SYNRG: variants seen among roughly 807,000 people sequenced by gnomAD.
SYNRG encodes the protein synergin gamma, also known as AP1 gamma subunit binding protein 1.
In SYNRG, 37 loss-of-function variants were observed where a neutral mutation model predicts 130.9. The ratio of observed to expected loss-of-function variants is 0.28; its 90% CI spans 0.22 to 0.37. The LOEUF is 0.37. Among genes scored for constraint, SYNRG ranks in the 10% least tolerant of loss-of-function variants. The probability of loss-of-function intolerance (pLI) is 1.00; values close to 1 mark genes in which losing one functional copy is unlikely to be tolerated. For synonymous variants in SYNRG, 539 were observed against 568.1 expected (o/e 0.95, Z 0.73); for missense variants, 1,338 against 1,588.9 (o/e 0.84, Z 2.68).
In SYNRG at chr17:37,542,319, C is replaced by T. The variant is rs144423881; in HGVS notation, c.2855G>A (p.Ser952Asn). The change falls in exon 15 of 22, where the codon AGT becomes AAT. Residue 952 changes from serine to asparagine, a missense_variant. By Grantham distance (46) the Ser-to-Asn change is conservative. This residue lies in a region of SYNRG where 1,146 missense variants were observed against 1,342.3 expected (regional missense o/e 0.85). Transcript: ENST00000612223. ...TSLSKVTTFV[S>N]EDALPETTFP... ...GGTGGTCTCTGGAAGAGCATCTTCA[C>T]TTACAAAGGTCGTTACTTTGGAGAG... is the stretch of plus-strand genomic sequence containing the variant. 5.0e-6 allele frequency: 8 copies of T among 1,614,086 alleles called. No individual in the cohort carries two copies. In the Admixed American group the frequency reaches 5.0e-5, roughly 10 times the overall value.
intron 19 of SYNRG, among the ~76,000 whole-genome samples, chr17:37,527,080 G>A (rs1419897428): frequency 2.6e-5 from 4 of 152,124 alleles, no homozygotes; most frequent in Non-Finnish European, 5.9e-5. Context: ...AGGAAATAAG[G>A]ACTCTGAAAT....
chr17:37,568,635 T>G, intron 11 of SYNRG, 156 bp downstream of exon 11: 1 of 767,582 alleles, frequency 1.3e-6, no homozygotes, highest in South Asian at 2.7e-5. Flanking sequence ...GGAGAGAAGT[T>G]TGAAAAGTAA....
rs146601593 is a variant in SYNRG at position 37,544,936 on chromosome 17, G to A, written c.2609-2371C>T. Among the ~76,000 whole-genome samples the A allele has an allele frequency of 4.2e-4, 64 of 152,182 alleles. No individual in the cohort carries two copies. The East Asian group carries it at 0.011, about 26-fold the overall frequency. On this transcript the variant is annotated intron_variant, in intron 14 of 21. Coordinates refer to ENST00000612223, the MANE Select transcript of SYNRG (RefSeq NM_007247.6). ...TTAAAAGGTTAGCAGGCTGGGCATG[G>A]TGGCTCACAGCACTTTGGGAGGCCT... is the stretch of plus-strand genomic sequence containing the variant.
chr17:37,534,191 G>A (rs1038249076), intron 19 of SYNRG, among the ~76,000 whole-genome samples: 10 of 148,476 alleles, frequency 6.7e-5, no homozygotes, highest in African/African-American at 2.0e-4. Context: ...TGTTCTGCCC[G>A]CCTTGGCCTC....
At chr17:37,540,909 C>T (rs2057699221) in intron 15 of SYNRG, 2 of 1,008,082 alleles carry the variant, frequency 2.0e-6, no homozygotes, top group Non-Finnish European at 2.4e-6. Flanking sequence ...GTTGAGATTA[C>T]AGGTGTGAGC....
At chr17:37,607,967 A>AC (rs1355215152) in intron 1 of SYNRG, among the ~76,000 whole-genome samples, 12 of 146,648 alleles carry the variant, frequency 8.2e-5, no homozygotes, top group African/African-American at 1.2e-4. Context: ...AAAAAAAAAA[A>AC]AAAAAAAAAA....
In SYNRG at chr17:37,576,321, G is replaced by A. The variant is rs1222255520; in HGVS notation, c.901+20C>T. 6.2e-7 allele frequency: 1 copy of A among 1,608,642 alleles called. No homozygotes were observed. The highest frequency in any genetic ancestry group is 2.2e-5 in the East Asian group (1 of 44,824). On this transcript the variant is annotated intron_variant, in intron 8 of 21. Transcript: ENST00000612223. ...ACCAAAATATCCAGATGGGAATCCT[G>A]GGTAAAGAAGCTTTTTTACCTGGAA...
chr17:37,536,157 G>A, intron 18 of SYNRG, 30 bp from the exon 19 acceptor site: 1 of 1,584,382 alleles, frequency 6.3e-7, no homozygotes, highest in Non-Finnish European at 8.6e-7. Flanking sequence ...GAGAGAGAGT[G>A]TTGGCAGTGG....
At chr17:37,607,398 T>A (rs981315721) in intron 1 of SYNRG, among the ~76,000 whole-genome samples, 1 of 152,224 alleles carries the variant, frequency 6.6e-6, no homozygotes, top group African/African-American at 2.4e-5. Context: ...TCTTCTAAGT[T>A]TACATTTTCC....
At chr17:37,561,320 G>C (rs2059517151) in intron 12 of SYNRG, 63 bp from the exon 13 acceptor site, 9 of 1,565,684 alleles carry the variant, frequency 5.7e-6, no homozygotes, top group Non-Finnish European at 7.9e-6. Flanking sequence ...GCTCCAGGAA[G>C]TGAGGCAGAT....
At chr17:37,520,488 G>A in intron 20 of SYNRG, 50 bp downstream of exon 20, 1 of 1,550,672 alleles carries the variant, frequency 6.4e-7, no homozygotes, top group Non-Finnish European at 8.9e-7. Flanking sequence ...GTTGTCCAGA[G>A]TCATGTTAGG....
chr17:37,579,364 G>A (rs1436486292), intron 6 of SYNRG: 2 of 1,304,178 alleles, frequency 1.5e-6, no homozygotes, highest in African/African-American at 3.0e-5. Context: ...TAAAGTCACT[G>A]AATTCTTCTT....
In SYNRG at chr17:37,609,328, C is replaced by T. The variant is rs544872751; in HGVS notation, c.28G>A (p.Gly10Ser). The change falls in exon 1 of 22, where the codon GGT becomes AGT. Residue 10 changes from glycine to serine, a missense_variant. Physicochemically the swap from Gly to Ser is moderately conservative, Grantham distance 56 (BLOSUM62 0). Transcript: ENST00000612223. Reference sequence around the variant, plus strand: ...CCAGCTCCCGCGGCCCCGCCGCCACCAGAACCAGCTCCTGGCCGCAGCGCC... The same window carrying T: ...CCAGCTCCCGCGGCCCCGCCGCCACTAGAACCAGCTCCTGGCCGCAGCGCC... MALRPGAGS[G>S]GGGAAGAGAG... 2 of 1,470,298 alleles carry T rather than the reference C, an allele frequency of 1.4e-6. No homozygotes were observed. Among genetic ancestry groups the T allele is most frequent in the South Asian group, 2.6e-5 (2 of 76,898 alleles). 91.1% of individuals were successfully genotyped at this position (1,470,298 alleles called of 1,614,324 possible). A position where few individuals can be genotyped will look rare whatever the true frequency, so the allele number is the denominator to read the frequency against.
At chr17:37,549,281 C>T (rs2058534974) in intron 14 of SYNRG, among the ~76,000 whole-genome samples, 1 of 152,028 alleles carries the variant, frequency 6.6e-6, no homozygotes, top group Non-Finnish European at 1.5e-5. Flanking sequence ...GATTTTATTG[C>T]TTTGGGGTTT....
chr17:37,562,390 TTTCTTCTTC>T (rs35772731), intron 11 of SYNRG, among the ~76,000 whole-genome samples: 5 of 151,696 alleles, frequency 3.3e-5, no homozygotes, highest in African/African-American at 4.9e-5. Context: ...AGCATTACTT[TTTCTTCTTC>T]TTCTTCTTCT....
intron 11 of SYNRG, among the ~76,000 whole-genome samples, chr17:37,562,402 C>G (rs1349933372): frequency 6.6e-6 from 1 of 152,130 alleles, no homozygotes; most frequent in African/African-American, 2.4e-5. Flanking sequence ...TCTTCTTCTT[C>G]TTCTTCTTCT....
intron 14 of SYNRG, among the ~76,000 whole-genome samples, chr17:37,552,565 A>ACAGAACATTCTCCGTCT (rs1373798853): frequency 6.6e-6 from 1 of 152,158 alleles, no homozygotes; most frequent in African/African-American, 2.4e-5. Flanking sequence ...GCCCTGACAT[A>ACAGAACATTCTCCGTCT]CAGAACATTC....
At chr17:37,561,764 C>T (rs1044500117) in intron 11 of SYNRG, among the ~76,000 whole-genome samples, 175 bp from the exon 12 acceptor site, 1 of 151,726 alleles carries the variant, frequency 6.6e-6, no homozygotes, top group African/African-American at 2.4e-5. Context: ...AAAACCATGT[C>T]CTTTTTCAAA....
intron 15 of SYNRG, 69 bp from the exon 16 acceptor site, chr17:37,540,612 C>A: frequency 1.5e-6 from 2 of 1,325,844 alleles, no homozygotes; most frequent in African/African-American, 3.0e-5. Flanking sequence ...GGCTCTTCCT[C>A]GCTACCACAA....
Sources: allele counts gnomAD v4.1 joint callset (sites outside exome capture counted in the v4.1 genomes callset), GRCh38; gene constraint gnomAD v4.1.1; regional missense constraint gnomAD v4.1.1; transcripts MANE v1.5; gene names NCBI Gene and HGNC (gene_info 2026-07-23, HGNC 2026-07-21).